The following VASH1 variants were observed in gnomAD, a reference collection of about 807,000 sequenced individuals.
VASH1 encodes tubulinyl-Tyr carboxypeptidase 1.
VASH1 carries 16 observed loss-of-function variants against 35.0 expected under a neutral mutation model. The ratio of observed to expected loss-of-function variants is 0.46; its 90% CI spans 0.31 to 0.70. VASH1 has a LOEUF of 0.70. VASH1 is among the 30% of genes least tolerant of loss of function. The probability of loss-of-function intolerance (pLI) is 0.05; values close to 1 mark genes in which losing one functional copy is unlikely to be tolerated. For missense variants in VASH1, 505 were observed against 510.7 expected, an observed-to-expected ratio of 0.99 and a Z score of 0.11; for synonymous variants, 214 against 200.9, an observed-to-expected ratio of 1.07 and a Z score of -0.55.
rs1009879362 is a variant in VASH1 at position 76,761,913 on chromosome 14, C to G, written c.-909C>G. On this transcript the variant is annotated 5_prime_UTR_variant, in exon 1 of 7. Transcript: ENST00000167106. ...CCTGGCCCCTGCGCGCCGCCCGAGC[C>G]GGTCCCGCTGAGCCGCGGGCCCCGT... Among the ~76,000 whole-genome samples, 1 of 151,716 alleles carries G rather than the reference C, an allele frequency of 6.6e-6. No homozygotes were observed. The highest frequency in any genetic ancestry group is 1.9e-4 in the East Asian group (1 of 5,154).
Position 76,779,936 on chromosome 14 carries a change from C to T in VASH1, c.*918C>T, listed in dbSNP as rs778782430. 2.0e-5 allele frequency: 4 copies of T among 204,398 alleles called. No homozygotes were observed. The highest frequency in any genetic ancestry group is 1.9e-3 in the Middle Eastern group (1 of 514). 12.7% of individuals were successfully genotyped at this position (204,398 alleles called of 1,614,324 possible). The stretch of plus-strand genomic sequence containing the variant: ...CGGGATGCTTGGGCCTGGGTCTCTC[C>T]GCCAGCAGTGCCAGGAGCCCTTGCT... On this transcript the variant is annotated 3_prime_UTR_variant, in exon 7 of 7. Coordinates refer to ENST00000167106, the MANE Select transcript of VASH1 (RefSeq NM_014909.5).
At chr14:76,775,324 G>C (rs964553553) in intron 4 of VASH1, among the ~76,000 whole-genome samples, 1 of 152,182 alleles carries the variant, frequency 6.6e-6, no homozygotes, top group African/African-American at 2.4e-5. Context: ...GGCCCCGGGG[G>C]CTGGAGAGGT....
At position 76,782,758 on chromosome 14, in the gene VASH1, A is replaced by G. The variant is rs1894146536; in HGVS notation, c.*3740A>G. 1.3e-5 allele frequency: 2 copies of G among 152,682 alleles called. No individual in the cohort carries two copies. Among genetic ancestry groups the G allele is most frequent in the Admixed American group, 1.3e-4 (2 of 15,282 alleles). 9.5% of individuals were successfully genotyped at this position (152,682 alleles called of 1,614,324 possible). A position where few individuals can be genotyped will look rare whatever the true frequency, so the allele number is the denominator to read the frequency against. Reference sequence around the variant, plus strand: ...TCCATCTTGGTCCTCCGGAGTCCCAAGTTTCCTTTTCATCAAATCTGACAA... The same window carrying G: ...TCCATCTTGGTCCTCCGGAGTCCCAGGTTTCCTTTTCATCAAATCTGACAA... On this transcript the variant is annotated 3_prime_UTR_variant, in exon 7 of 7. Coordinates refer to ENST00000167106, the MANE Select transcript of VASH1 (RefSeq NM_014909.5).
Position 76,776,248 on chromosome 14 carries a change from G to A in VASH1, c.887G>A (p.Arg296His), listed in dbSNP as rs758546645. 2 of 1,599,936 alleles carry A rather than the reference G, an allele frequency of 1.3e-6. No homozygotes were observed. The highest frequency in any genetic ancestry group is 1.7e-6 in the Non-Finnish European group (2 of 1,175,556). The change falls in exon 5 of 7, where the codon CGC becomes CAC. Residue 296 changes from arginine to histidine, a missense_variant. Arg to His is a conservative substitution (Grantham distance 29). Coordinates refer to ENST00000167106, the MANE Select transcript of VASH1 (RefSeq NM_014909.5). Reference sequence around the variant, plus strand: ...GATGACTTCCGCAAGGAGCTGGAGCGCCACGCCCGCGACATGCGGCTCAAG... The same window carrying A: ...GATGACTTCCGCAAGGAGCTGGAGCACCACGCCCGCGACATGCGGCTCAAG... ...GRDDFRKELE[R>H]HARDMRLKIG... is the part of the protein sequence containing the mutation.
At chr14:76,771,914 T>C (rs564349383) in intron 3 of VASH1, among the ~76,000 whole-genome samples, 1 of 152,264 alleles carries the variant, frequency 6.6e-6, no homozygotes, top group South Asian at 2.1e-4. Context: ...TGCCCAAAGA[T>C]GCCCACAGAC....
chr14:76,778,054 C>T lies in VASH1; in HGVS notation c.1008C>T (p.Asn336=), dbSNP rs925444176. 14 of 1,508,574 alleles carry T rather than the reference C, an allele frequency of 9.3e-6. No homozygotes were observed. The highest frequency in any genetic ancestry group is 1.2e-5 in the Non-Finnish European group (14 of 1,129,240). 93.4% of individuals were successfully genotyped at this position (1,508,574 alleles called of 1,614,324 possible). A position where few individuals can be genotyped will look rare whatever the true frequency, so the allele number is the denominator to read the frequency against. The change falls in exon 6 of 7, where the codon AAC becomes AAT. Residue 336 remains asparagine, a synonymous_variant. Coordinates refer to ENST00000167106, the MANE Select transcript of VASH1 (RefSeq NM_014909.5). ...QRAQSSPHRR[N]SRSERRPSGD... is the part of the protein sequence containing the mutation. Reference sequence around the variant, plus strand: ...CCCAGTCCAGCCCCCACCGCAGGAACAGCCGCAGTGAAAGACGGTGAGAGA... The same window carrying T: ...CCCAGTCCAGCCCCCACCGCAGGAATAGCCGCAGTGAAAGACGGTGAGAGA...
chr14:76,762,592 G>A lies in VASH1; in HGVS notation c.-230G>A. Reference sequence around the variant, plus strand: ...TTCTCTTTATTCCGTTTTTCAAACAGAACAAGGCCTCCAAGGCTGACCCCA... The same window carrying A: ...TTCTCTTTATTCCGTTTTTCAAACAAAACAAGGCCTCCAAGGCTGACCCCA... On this transcript the variant is annotated 5_prime_UTR_variant, in exon 1 of 7. Coordinates refer to ENST00000167106, the MANE Select transcript of VASH1 (RefSeq NM_014909.5). 2.5e-6 allele frequency: 1 copy of A among 402,072 alleles called. No homozygotes were observed. Among genetic ancestry groups the A allele is most frequent in the Non-Finnish European group, 4.5e-6 (1 of 221,536 alleles). The allele number at this position is 402,072 out of a possible 1,614,324, so 24.9% of individuals were successfully genotyped here. A position where few individuals can be genotyped will look rare whatever the true frequency, so the allele number is the denominator to read the frequency against.
At chr14:76,763,339 C>G (rs577939344) in intron 1 of VASH1, among the ~76,000 whole-genome samples, 2 of 152,308 alleles carry the variant, frequency 1.3e-5, no homozygotes, top group East Asian at 1.9e-4. Context: ...CCAGGAGGCC[C>G]TCCCCGCTGT....
At position 76,762,010 on chromosome 14, in the gene VASH1, T is replaced by G. The variant is rs1163963069; in HGVS notation, c.-812T>G. Among the ~76,000 whole-genome samples, 2 of 152,030 alleles carry G rather than the reference T, an allele frequency of 1.3e-5. No homozygotes were observed. Among genetic ancestry groups the G allele is most frequent in the South Asian group, 2.1e-4 (1 of 4,820 alleles). ...GTCCTCCCGCTGAGACGCGCCCGAG[T>G]GGGGACCCGCTGGGCCTCGGGGCTC... On this transcript the variant is annotated 5_prime_UTR_variant, in exon 1 of 7. Coordinates refer to ENST00000167106, the MANE Select transcript of VASH1 (RefSeq NM_014909.5).
intron 4 of VASH1, chr14:76,773,562 A>G (rs971068905): frequency 2.1e-5 from 8 of 383,364 alleles, no homozygotes; most frequent in Non-Finnish European, 3.7e-5. Context: ...TGGGAGGCAC[A>G]GTTGGAATGC....
chr14:76,762,125 C>T lies in VASH1; in HGVS notation c.-697C>T, dbSNP rs950323125. On this transcript the variant is annotated 5_prime_UTR_variant, in exon 1 of 7. Transcript: ENST00000167106. ...GAGGGGACAGGGGACCCAGACAAAG[C>T]CCACTTTGTGCAGGGAGTTGGCCGC... The T allele has an allele frequency of 2.6e-5, 4 of 152,292 alleles. No individual in the cohort carries two copies. The highest frequency in any genetic ancestry group is 9.6e-5 in the African/African-American group (4 of 41,460). The allele number at this position is 152,292 out of a possible 1,614,324, so 9.4% of individuals were successfully genotyped here. A position where few individuals can be genotyped will look rare whatever the true frequency, so the allele number is the denominator to read the frequency against.
intron 5 of VASH1, among the ~76,000 whole-genome samples, chr14:76,777,601 C>T (rs963942112): frequency 6.6e-6 from 1 of 152,218 alleles, no homozygotes; most frequent in African/African-American, 2.4e-5. Flanking sequence ...CCAGCATCAC[C>T]CTTGGGGTGA....
intron 4 of VASH1, chr14:76,774,994 G>C (rs1254477353): frequency 1.3e-5 from 2 of 152,246 alleles, no homozygotes; most frequent in Non-Finnish European, 2.9e-5. Flanking sequence ...GCACAGTGCT[G>C]GACATGGTGT....
At chr14:76,777,115 C>T (rs1012002472) in intron 5 of VASH1, among the ~76,000 whole-genome samples, 1 of 152,212 alleles carries the variant, frequency 6.6e-6, no homozygotes, top group Non-Finnish European at 1.5e-5. Context: ...GTTGCAGGTG[C>T]CTGCAGGTGT....
chr14:76,769,748 C>G, intron 1 of VASH1: 1 of 605,880 alleles, frequency 1.7e-6, no homozygotes, highest in Non-Finnish European at 2.9e-6. Context: ...ATGAGGAATG[C>G]TGTTAAGTCC....
intron 1 of VASH1, among the ~76,000 whole-genome samples, chr14:76,763,568 G>T (rs775781176): frequency 1.3e-5 from 2 of 152,144 alleles, no homozygotes; most frequent in African/African-American, 2.4e-5. Context: ...GCCTTGTGAC[G>T]TAAGTACAGT....
intron 2 of VASH1, 24 bp from the exon 3 acceptor site, chr14:76,771,166 G>C: frequency 1.9e-6 from 3 of 1,555,410 alleles, no homozygotes; most frequent in Non-Finnish European, 2.6e-6. Flanking sequence ...GCCAAGCTAG[G>C]AAGCCCTTAA....
In VASH1 at chr14:76,776,055, G is replaced by T; in HGVS notation, c.694G>T (p.Ala232Ser). 6.2e-7 allele frequency: 1 copy of T among 1,610,234 alleles called. No individual in the cohort carries two copies. ...CGAGGACCTGATGTACAAGCCGCCC[G>T]CCTTCCGCACGCTCAGCGAGCTCGT... is the stretch of plus-strand genomic sequence containing the variant. Reference protein sequence around the residue: ...RREDLMYKPPAFRTLSELVLD... With the variant: ...RREDLMYKPPSFRTLSELVLD... Residue 232 changes from alanine (A) to serine (S), a missense_variant, in exon 5 of 7, where the codon GCC becomes TCC. Ala to Ser is a moderately conservative substitution (Grantham distance 99). Transcript: ENST00000167106.
In VASH1 at chr14:76,776,252, C is replaced by T. The variant is rs1453755470; in HGVS notation, c.891C>T (p.His297=). 3.1e-6 allele frequency: 5 copies of T among 1,598,472 alleles called. No individual in the cohort carries two copies. The highest frequency in any genetic ancestry group is 2.2e-5 in the East Asian group (1 of 44,640). The stretch of plus-strand genomic sequence containing the variant: ...ACTTCCGCAAGGAGCTGGAGCGCCA[C>T]GCCCGCGACATGCGGCTCAAGGTCT... ...RDDFRKELER[H]ARDMRLKIGK... is the part of the protein sequence containing the mutation. Residue 297 remains histidine, a synonymous_variant, in exon 5 of 7, where the codon CAC becomes CAT. Coordinates refer to ENST00000167106, the MANE Select transcript of VASH1 (RefSeq NM_014909.5).
Sources: allele counts gnomAD v4.1 joint callset (sites outside exome capture counted in the v4.1 genomes callset), GRCh38; gene constraint gnomAD v4.1.1; transcripts MANE v1.5; gene names NCBI Gene and HGNC (gene_info 2026-07-23, HGNC 2026-07-21).